Variants in KCNMA1 observed in about 807,000 individuals in gnomAD.
KCNMA1 encodes the protein Calcium-activated potassium channel subunit alpha-1.
Under a neutral mutation model 140.0 loss-of-function variants are expected in KCNMA1, and 29 were observed. The ratio of observed to expected loss-of-function variants is 0.21; its 90% confidence interval spans 0.15 to 0.28. The LOEUF is 0.28. KCNMA1 is among the 10% of genes least tolerant of loss of function. KCNMA1 has a pLI of 1.00. For missense variants in KCNMA1, 880 were observed against 1,602.2 expected (o/e 0.55, Z 7.70); for synonymous variants, 612 against 611.9 (o/e 1.00, Z 0.00).
chr10:77,396,308 T>C (rs1460405866), intron 2 of KCNMA1, among the ~76,000 whole-genome samples: 2 of 151,766 alleles, frequency 1.3e-5, no homozygotes, highest in African/African-American at 4.8e-5. Context: ...GGGGCATAGA[T>C]GAGGGGGGTG....
rs2095795503 is a variant in KCNMA1, at chr10:77,390,833, GC to G, written c.540+13028del. 2.6e-5 allele frequency among the ~76,000 whole-genome samples: 4 copies of G among 151,916 alleles called. No individual in the cohort carries two copies. In the South Asian group the frequency reaches 8.3e-4, roughly 32 times the overall value. On this transcript the variant is annotated intron_variant, in intron 2 of 27. Coordinates refer to ENST00000286628, the MANE Select transcript of KCNMA1 (RefSeq NM_001161352.2). ...GCTGGCAGCCTCTGTCCCCTGAAAT[GC>G]CACTTTTTTTTTTGTGATTCAGCCT...
chr10:77,561,458 T>C (rs1368803543), intron 1 of KCNMA1, among the ~76,000 whole-genome samples: 1 of 152,216 alleles, frequency 6.6e-6, no homozygotes, highest in African/African-American at 2.4e-5. Flanking sequence ...CACACTCACA[T>C]AGATACTAAG....
chr10:77,128,242 G>A lies in KCNMA1; in HGVS notation c.809-7194C>T, dbSNP rs182601946. Among the ~76,000 whole-genome samples, 1,310 of 151,942 alleles carry A rather than the reference G, an allele frequency of 8.6e-3. 19 individuals carry two copies. Among genetic ancestry groups the A allele is most frequent in the African/African-American group, 0.03 (1,226 of 41,458 alleles). On this transcript the variant is annotated intron_variant, in intron 5 of 27. Coordinates refer to ENST00000286628, the MANE Select transcript of KCNMA1 (RefSeq NM_001161352.2). Reference sequence around the variant, plus strand: ...TACCATATATTATCTCCCACCGTTCGTCATTCTTCTCAATTTGGCTTAAAG... The same window carrying A: ...TACCATATATTATCTCCCACCGTTCATCATTCTTCTCAATTTGGCTTAAAG...
chr10:77,531,568 A>G (rs577088063), intron 1 of KCNMA1, among the ~76,000 whole-genome samples: 1 of 152,360 alleles, frequency 6.6e-6, no homozygotes, highest in Non-Finnish European at 1.5e-5. Context: ...CTTAGTCACA[A>G]GGGACTCCGG....
intron 14 of KCNMA1, 39 bp from the exon 15 acceptor site, chr10:77,039,676 A>G: frequency 7.7e-7 from 1 of 1,295,022 alleles, no homozygotes; most frequent in Non-Finnish European, 1.1e-6. Context: ...TTAAAATATG[A>G]CGGTGGGCTG....
chr10:77,501,524 G>A (rs185007511), intron 1 of KCNMA1, among the ~76,000 whole-genome samples: 134 of 152,272 alleles, frequency 8.8e-4, no homozygotes, highest in African/African-American at 2.7e-3. Flanking sequence ...TGGCTGGAGC[G>A]GCCAGTTGAG....
intron 1 of KCNMA1, among the ~76,000 whole-genome samples, chr10:77,535,312 C>G (rs1013149627): frequency 1.3e-5 from 2 of 152,166 alleles, no homozygotes; most frequent in East Asian, 1.9e-4. Context: ...AAGTTTATTC[C>G]CCTCCTTCCG....
intron 2 of KCNMA1, among the ~76,000 whole-genome samples, chr10:77,370,444 T>C (rs1446190841): frequency 2.6e-5 from 4 of 152,216 alleles, no homozygotes; most frequent in Non-Finnish European, 5.9e-5. Context: ...ACATCTTTTC[T>C]TGCAGGGCTG....
In KCNMA1 at chr10:77,011,992, T is replaced by G. The variant is rs2153454235; in HGVS notation, c.2067A>C (p.Arg689Ser). 1.2e-6 allele frequency: 2 copies of G among 1,613,882 alleles called. No individual in the cohort carries two copies. Among genetic ancestry groups the G allele is most frequent in the Non-Finnish European group, 8.5e-7 (1 of 1,179,896 alleles). ...ACHDDITDPKRIKKCGCKRPK... is the reference protein window; with the variant it reads ...ACHDDITDPKSIKKCGCKRPK... ...GCCGTTTGCAGCCACATTTTTTTAT[T>G]CTTTTGGGATCTGTGATGTCATCAT... The change falls in exon 18 of 28, where the codon AGA becomes AGC. Residue 689 changes from arginine (R) to serine (S), a missense_variant. Physicochemically the swap from Arg to Ser is moderately radical, Grantham distance 110. Around this residue, in one of 13 missense-constraint regions of KCNMA1, gnomAD observed 196 missense variants for 233.0 expected, o/e 0.84. Coordinates refer to ENST00000286628, the MANE Select transcript of KCNMA1 (RefSeq NM_001161352.2).
At chr10:76,989,826 T>C (rs753036473) in intron 19 of KCNMA1, among the ~76,000 whole-genome samples, 3 of 149,886 alleles carry the variant, frequency 2.0e-5, no homozygotes, top group Non-Finnish European at 3.0e-5. Context: ...AAAAAAGCAC[T>C]AGTTATGGTT....
intron 6 of KCNMA1, among the ~76,000 whole-genome samples, chr10:77,114,209 G>A (rs1476642929): frequency 3.3e-5 from 5 of 152,174 alleles, no homozygotes; most frequent in Admixed American, 2.0e-4. Flanking sequence ...GGTGTTCCTT[G>A]AGTGGATCAA....
chr10:77,495,886 G>A (rs752111118), intron 1 of KCNMA1, among the ~76,000 whole-genome samples: 33 of 152,128 alleles, frequency 2.2e-4, no homozygotes, highest in Admixed American at 5.9e-4. Context: ...CAGTACCCCC[G>A]CGGTTCCTCC....
chr10:77,348,794 C>A (rs2092524995), intron 2 of KCNMA1, among the ~76,000 whole-genome samples: 1 of 152,282 alleles, frequency 6.6e-6, no homozygotes, highest in African/African-American at 2.4e-5. Context: ...GAAATTGACA[C>A]AATTAGACAA....
chr10:77,594,340 T>A (rs1214060034), intron 1 of KCNMA1, among the ~76,000 whole-genome samples: 1 of 152,148 alleles, frequency 6.6e-6, no homozygotes, highest in East Asian at 1.9e-4. Flanking sequence ...CAGCCACCAA[T>A]TTCCCCTCGC....
At chr10:77,084,132 C>T (rs925483719) in intron 12 of KCNMA1, among the ~76,000 whole-genome samples, 1 of 152,092 alleles carries the variant, frequency 6.6e-6, no homozygotes, top group African/African-American at 2.4e-5. Flanking sequence ...AGACAATTCT[C>T]TGTTTTGGGG....
chr10:77,152,594 G>C (rs1362145142), intron 5 of KCNMA1, among the ~76,000 whole-genome samples: 3 of 152,154 alleles, frequency 2.0e-5, no homozygotes, highest in Non-Finnish European at 2.9e-5. Flanking sequence ...TTGCGACCAA[G>C]GGGTGAGGGG....
chr10:77,457,739 C>A (rs2097784330), intron 1 of KCNMA1, among the ~76,000 whole-genome samples: 1 of 152,064 alleles, frequency 6.6e-6, no homozygotes, highest in Admixed American at 6.6e-5. Flanking sequence ...ATTCTGAGAG[C>A]CTGGTAGCTT....
At position 77,636,867 on chromosome 10, in the gene KCNMA1, G is replaced by T. The variant is rs2154571992; in HGVS notation, c.378+398C>A. 6 of 1,429,422 alleles carry T rather than the reference G, an allele frequency of 4.2e-6. No individual in the cohort carries two copies. The highest frequency in any genetic ancestry group is 5.2e-4 in the Middle Eastern group (2 of 3,882). 88.5% of individuals were successfully genotyped at this position (1,429,422 alleles called of 1,614,324 possible). A position where few individuals can be genotyped will look rare whatever the true frequency, so the allele number is the denominator to read the frequency against. Reference sequence around the variant, plus strand: ...CGCCCACCGCCAGGAGCCGAGCCCCGGCAGGTGAGCGGTGCAAAACACGCA... The same window carrying T: ...CGCCCACCGCCAGGAGCCGAGCCCCTGCAGGTGAGCGGTGCAAAACACGCA... On this transcript the variant is annotated intron_variant, in intron 1 of 27. Transcript: ENST00000286628.
intron 3 of KCNMA1, among the ~76,000 whole-genome samples, chr10:77,218,473 T>C (rs2154185488): frequency 1.3e-5 from 2 of 152,276 alleles, no homozygotes; most frequent in Middle Eastern, 3.4e-3. Flanking sequence ...ACGTGTCTCC[T>C]GGTCCCCACT....
Sources: allele counts gnomAD v4.1 joint callset (sites outside exome capture counted in the v4.1 genomes callset), GRCh38; gene constraint gnomAD v4.1.1; regional missense constraint gnomAD v4.1.1; transcripts MANE v1.5; gene names NCBI Gene and HGNC (gene_info 2026-07-23, HGNC 2026-07-21).